Variants in RHCE observed in about 807,000 individuals in gnomAD.
RHCE encodes the protein Rh blood group CcEe antigens, also known as blood group Rh(CE) polypeptide.
A neutral mutation model predicts 43.8 loss-of-function variants in RHCE; 22 were observed. That is an observed-to-expected ratio of 0.50 (90% CI 0.36 to 0.72). The LOEUF (loss-of-function observed/expected upper bound fraction) is 0.72. Ranked by LOEUF, RHCE falls within the 30% of genes least tolerant of loss-of-function variation. The pLI is 0.00. For synonymous variants in RHCE, 156 were observed against 210.7 expected, an observed-to-expected ratio of 0.74 and a Z score of 2.25; for missense variants, 385 against 525.4, an observed-to-expected ratio of 0.73 and a Z score of 2.61.
intron 2 of RHCE, 52 bp from the exon 3 acceptor site, chr1:25,402,798 C>T (rs1165837205): frequency 2.9e-5 from 46 of 1,596,064 alleles, no homozygotes; most frequent in Admixed American, 8.3e-5. Context: ...ATGCCTCTCA[C>T]TCATTCATTC....
intron 1 of RHCE, among the ~76,000 whole-genome samples, chr1:25,412,715 T>TAAAA (rs1165784820): frequency 2.6e-5 from 3 of 116,576 alleles, no homozygotes; most frequent in Non-Finnish European, 5.2e-5. Context: ...ACCCTTTTTT[T>TAAAA]AAAAAAAAAA....
At chr1:25,390,120 C>A (rs960718708) in intron 5 of RHCE, among the ~76,000 whole-genome samples, 3 of 152,094 alleles carry the variant, frequency 2.0e-5, no homozygotes, top group African/African-American at 2.4e-5. Context: ...CTGCCCCCAT[C>A]ATCATGAGAA....
rs1396801602 is a variant in RHCE, at chr1:25,406,782, C to T, written c.335+1901G>A. Among the ~76,000 whole-genome samples the T allele has an allele frequency of 5.9e-5, 7 of 119,542 alleles. 2 individuals are homozygous for T. The highest frequency in any genetic ancestry group is 1.3e-4 in the Non-Finnish European group (7 of 52,696). 78.4% of individuals were successfully genotyped at this position (119,542 alleles called of 152,430 possible). A position where few individuals can be genotyped will look rare whatever the true frequency, so the allele number is the denominator to read the frequency against. On this transcript the variant is annotated intron_variant, in intron 2 of 9. Transcript: ENST00000294413. Reference sequence around the variant, plus strand: ...CTGGGACTACAGGCGCCCGCCACCACGCCCAGCTAATTTTTTGTATGTTTA... The same window carrying T: ...CTGGGACTACAGGCGCCCGCCACCATGCCCAGCTAATTTTTTGTATGTTTA...
At chr1:25,418,815 T>C (rs916694383) in intron 1 of RHCE, among the ~76,000 whole-genome samples, 1 of 152,146 alleles carries the variant, frequency 6.6e-6, no homozygotes, top group African/African-American at 2.4e-5. Flanking sequence ...CCTGCCTGGG[T>C]TGTGGACCCT....
At chr1:25,419,526 C>T (rs2042706420) in intron 1 of RHCE, among the ~76,000 whole-genome samples, 1 of 152,148 alleles carries the variant, frequency 6.6e-6, no homozygotes, top group South Asian at 2.1e-4. Context: ...AGCACTCAAC[C>T]AGGCTCAAGC....
chr1:25,429,546 C>T lies in RHCE; in HGVS notation c.-137+394G>A, dbSNP rs184298015. ...TAAAGCTACTGGATAGGACATTCTG[C>T]AATATTTTCAGAAATATTTATAAAA... On this transcript the variant is annotated intron_variant, in intron 1 of 11. Coordinates refer to the RHCE transcript ENST00000349320. Among the ~76,000 whole-genome samples the T allele has an allele frequency of 9.9e-5, 15 of 152,190 alleles. No individual in the cohort carries two copies. In the East Asian group the frequency reaches 2.9e-3, roughly 29 times the overall value.
At chr1:25,401,527 G>C (rs1646741197) in intron 3 of RHCE, among the ~76,000 whole-genome samples, 1 of 152,112 alleles carries the variant, frequency 6.6e-6, no homozygotes, top group South Asian at 2.1e-4. Flanking sequence ...TCAGGGTCAG[G>C]GTTACAGCAG....
chr1:25,391,054 C>G, intron 4 of RHCE, 139 bp from the exon 5 acceptor site: 1 of 1,158,764 alleles, frequency 8.6e-7, no homozygotes, highest in Non-Finnish European at 1.3e-6. Context: ...GTCACGTCTC[C>G]CCTCCGAGCT....
At chr1:25,412,266 C>A (rs1297559359) in intron 1 of RHCE, among the ~76,000 whole-genome samples, 2 of 152,222 alleles carry the variant, frequency 1.3e-5, no homozygotes, top group Non-Finnish European at 2.9e-5. Flanking sequence ...AAGTCCATTA[C>A]CCTCTTTAGG....
At chr1:25,379,983 C>G (rs1327222551) in intron 7 of RHCE, among the ~76,000 whole-genome samples, 1 of 151,516 alleles carries the variant, frequency 6.6e-6, no homozygotes, top group Non-Finnish European at 1.5e-5. Flanking sequence ...TAGACAACCC[C>G]CAAAGTCTTA....
At chr1:25,391,509 T>C (rs1201295042) in intron 4 of RHCE, among the ~76,000 whole-genome samples, 3 of 151,922 alleles carry the variant, frequency 2.0e-5, no homozygotes, top group Non-Finnish European at 4.4e-5. Flanking sequence ...TTTTTTTTTT[T>C]AATGAATGTG....
upstream of RHCE, among the ~76,000 whole-genome samples, chr1:25,423,375 C>T (rs1390167071): frequency 6.6e-6 from 1 of 152,212 alleles, no homozygotes; most frequent in East Asian, 1.9e-4. Context: ...AAGATGAACA[C>T]TAAAGATTTC....
Position 25,390,928 on chromosome 1 carries a change from G to A in RHCE, c.635-13C>T. 3.7e-6 allele frequency: 6 copies of A among 1,614,176 alleles called. No individual in the cohort carries two copies. The highest frequency in any genetic ancestry group is 5.1e-6 in the Non-Finnish European group (6 of 1,180,026). On this transcript the variant is annotated splice_polypyrimidine_tract_variant and intron_variant, in intron 4 of 9. Coordinates refer to ENST00000294413, the MANE Select transcript of RHCE (RefSeq NM_020485.8). ...AAGAAGAGGGCGCCTGGGGGCCAGA[G>A]AGGGTGGTTGGCCAGAATCACACTC...
intron 3 of RHCE, among the ~76,000 whole-genome samples, chr1:25,397,237 C>T (rs1377448817): frequency 6.7e-6 from 1 of 149,922 alleles, no homozygotes; most frequent in African/African-American, 2.5e-5. Flanking sequence ...TGGCTCACAC[C>T]TCTAATCCCA....
At position 25,411,092 on chromosome 1, in the gene RHCE, AAAATAAATAAAT is replaced by A. The variant is rs375989102; in HGVS notation, c.149-2235_149-2224del. Among the ~76,000 whole-genome samples the A allele has an allele frequency of 7.3e-5, 11 of 151,492 alleles. No individual in the cohort carries two copies. In the East Asian group the frequency reaches 1.4e-3, roughly 19 times the overall value. On this transcript the variant is annotated intron_variant, in intron 1 of 9. Transcript: ENST00000294413. The stretch of plus-strand genomic sequence containing the variant: ...GGGCGACACAGTGAGACTCTGTCTC[AAAATAAATAAAT>A]AAATAAATAAATAAAATAAAATATC...
chr1:25,374,133 T>C (rs1439441168), intron 8 of RHCE, among the ~76,000 whole-genome samples: 3 of 150,838 alleles, frequency 2.0e-5, no homozygotes, highest in African/African-American at 7.4e-5. Flanking sequence ...AATGTGTATT[T>C]TCTTTTTTTT....
upstream of RHCE, among the ~76,000 whole-genome samples, chr1:25,424,872 A>AGTG (rs1490465642): frequency 6.6e-6 from 1 of 151,846 alleles, no homozygotes; most frequent in Non-Finnish European, 1.5e-5. Flanking sequence ...GCTGGAATGC[A>AGTG]GTGGCACGAT....
At chr1:25,423,994 C>T (rs549741972), upstream of RHCE, among the ~76,000 whole-genome samples, 10 of 152,264 alleles carry the variant, frequency 6.6e-5, no homozygotes, top group Admixed American at 6.5e-4. Context: ...TTTATGATGG[C>T]GCGAAAGCAA....
Position 25,399,235 on chromosome 1 carries a change from T to C in RHCE, c.486+3361A>G, listed in dbSNP as rs1045827600. 1.2e-4 allele frequency: 90 copies of C among 777,950 alleles called. No individual in the cohort carries two copies. The Admixed American group carries it at 1.3e-3, about 11-fold the overall frequency. 48.2% of individuals were successfully genotyped at this position (777,950 alleles called of 1,614,324 possible). ...CTTCCTACTTTGAAGAATTGATGTA[T>C]GCCTCTTTGCCTCTGCTTTGTCATG... On this transcript the variant is annotated intron_variant, in intron 3 of 9. Transcript: ENST00000294413.
Sources: gnomAD v4.1 joint callset for allele counts (sites outside exome capture counted in the v4.1 genomes callset) on GRCh38, gnomAD v4.1.1 for gene constraint, MANE v1.5 for transcripts, NCBI Gene and HGNC (gene_info 2026-07-23, HGNC 2026-07-21) for gene names.